Variants in ASTE1 observed in about 807,000 individuals in gnomAD.
The protein encoded by ASTE1 is single-strand DNA endonuclease ASTE1.
Under a neutral mutation model 45.8 loss-of-function variants are expected in ASTE1, and 49 were observed. That is an observed-to-expected ratio of 1.07 (90% CI 0.85 to 1.36). The LOEUF is 1.36. Ranked by LOEUF, ASTE1 falls within the 40% of genes most tolerant of loss-of-function variation. ASTE1 has a pLI of 0.00. For missense variants in ASTE1, 709 were observed against 804.0 expected, an observed-to-expected ratio of 0.88 and a Z score of 1.43; for synonymous variants, 296 against 303.9, an observed-to-expected ratio of 0.97 and a Z score of 0.27.
In ASTE1 at chr3:131,018,511, C is replaced by A; in HGVS notation, c.1508G>T (p.Ser503Ile). ...LVGPLIAIIN[S>I]PGKEELQEDG... The stretch of plus-strand genomic sequence containing the variant: ...TGTAATTTCCAGTTACCTACCAGGG[C>A]TGTTGATTATGGCAATCAAGGGCCC... Residue 503 changes from serine (S) to isoleucine (I), a missense_variant, in exon 4 of 6, where the codon AGC becomes ATC. Transcript: ENST00000264992. 6.2e-7 allele frequency: 1 copy of A among 1,613,624 alleles called. No homozygotes were observed.
At chr3:131,017,142 G>T in intron 4 of ASTE1, 1 of 801,772 alleles carries the variant, frequency 1.2e-6, no homozygotes, top group Non-Finnish European at 1.8e-6. Context: ...TTCTTATACT[G>T]TATTTATTAT....
intron 3 of ASTE1, among the ~76,000 whole-genome samples, chr3:131,021,949 G>A (rs1212782982): frequency 6.6e-6 from 1 of 152,080 alleles, no homozygotes; most frequent in Admixed American, 6.6e-5. Flanking sequence ...TTATTGGTGT[G>A]GGTAAAGTTT....
At chr3:131,023,275 G>A (rs1241266953) in intron 3 of ASTE1, among the ~76,000 whole-genome samples, 2 of 148,100 alleles carry the variant, frequency 1.4e-5, no homozygotes, top group Non-Finnish European at 3.0e-5. Flanking sequence ...CATTGCAATT[G>A]TTTTTTTTTT....
Position 131,024,861 on chromosome 3 carries a change from G to T in ASTE1, c.446C>A (p.Ala149Asp). Residue 149 changes from alanine to aspartate, a missense_variant, in exon 3 of 6, where the codon GCT becomes GAT. Coordinates refer to ENST00000264992, the MANE Select transcript of ASTE1 (RefSeq NM_014065.4). The stretch of plus-strand genomic sequence containing the variant: ...TAACACAGGGCAATTCCAATGGTTA[G>T]CAAGTGTCATAATGTCCCGATCTGC... ...SEADRDIMTL[A>D]NHWNCPVLSS... 2 of 1,614,134 alleles carry T rather than the reference G, an allele frequency of 1.2e-6. No homozygotes were observed. Among genetic ancestry groups the T allele is most frequent in the Non-Finnish European group, 1.7e-6 (2 of 1,180,022 alleles).
In ASTE1 at chr3:131,016,287, T is replaced by C; in HGVS notation, c.1566A>G (p.Gln522=). 6.2e-7 allele frequency: 1 copy of C among 1,614,180 alleles called. No individual in the cohort carries two copies. The highest frequency in any genetic ancestry group is 1.1e-5 in the South Asian group (1 of 91,086). ...DGAKMLYAEF[Q]RVKAQTRLGT... ...CCAGCCGTGTCTGCGCCTTCACTCT[T>C]TGGAACTCTGCATACAACATCTTAG... is the stretch of plus-strand genomic sequence containing the variant. Residue 522 remains glutamine, a synonymous_variant, in exon 5 of 6, where the codon CAA becomes CAG. Transcript: ENST00000264992.
chr3:131,017,082 C>G (rs777274009), intron 4 of ASTE1: 1 of 1,282,516 alleles, frequency 7.8e-7, no homozygotes, highest in Non-Finnish European at 1.0e-6. Flanking sequence ...TTGACATGCC[C>G]CTTCTCTTGG....
chr3:131,024,076 T>G lies in ASTE1; in HGVS notation c.1231A>C (p.Asn411His). ...AFSEVERINK[N>H]IRTSIIDAVE... ...GCATCAATGATTGAGGTTCTGATAT[T>G]TTTATTAATCCTTTCCACTTCACTG... The change falls in exon 3 of 6, where the codon AAT (asparagine) becomes CAT (histidine). Residue 411 changes from asparagine to histidine, a missense_variant. Coordinates refer to ENST00000264992, the MANE Select transcript of ASTE1 (RefSeq NM_014065.4). The G allele has an allele frequency of 6.2e-7, 1 of 1,614,106 alleles. No individual in the cohort carries two copies. The highest frequency in any genetic ancestry group is 2.2e-5 in the East Asian group (1 of 44,884).
At chr3:131,015,841 A>G in intron 5 of ASTE1, 1 of 462,632 alleles carries the variant, frequency 2.2e-6, no homozygotes. Flanking sequence ...GAAAGGAGAG[A>G]GTTGTATCCT....
chr3:131,023,209 CTG>C (rs1465366816), intron 3 of ASTE1, among the ~76,000 whole-genome samples: 1 of 152,066 alleles, frequency 6.6e-6, no homozygotes, highest in Non-Finnish European at 1.5e-5. Flanking sequence ...CACGTGTGGT[CTG>C]TGAGTTTTGT....
rs1260151190 is a variant in ASTE1 at position 131,025,316 on chromosome 3, C to G, written c.-10G>C. 6.2e-7 allele frequency: 1 copy of G among 1,601,478 alleles called. No individual in the cohort carries two copies. Among genetic ancestry groups the G allele is most frequent in the Non-Finnish European group, 8.5e-7 (1 of 1,173,074 alleles). ...GTCCTCGGATACCCATGATGACAGT[C>G]TAAAGAATTAATCGCCTGTTTAAAA... On this transcript the variant is annotated 5_prime_UTR_variant, in exon 3 of 6. Coordinates refer to ENST00000264992, the MANE Select transcript of ASTE1 (RefSeq NM_014065.4).
At chr3:131,023,971 T>C (rs1348739712) in intron 3 of ASTE1, 34 bp downstream of exon 3, 4 of 1,538,042 alleles carry the variant, frequency 2.6e-6, no homozygotes, top group Non-Finnish European at 3.5e-6. Context: ...GTAAAGTACT[T>C]TACAAAAATT....
chr3:131,017,118 G>T, intron 4 of ASTE1: 1 of 1,070,546 alleles, frequency 9.3e-7, no homozygotes, highest in Non-Finnish European at 1.3e-6. Context: ...TAATAGGCTT[G>T]TGCTCTGAGA....
At position 131,018,612 on chromosome 3, in the gene ASTE1, A is replaced by G; in HGVS notation, c.1407T>C (p.Ser469=). ...TCTCGGTGTGCTGCAACCAGTAGCA[A>G]CTGACAGCAATGGGCAACTTCAGTG... The part of the protein sequence containing the change: ...PTSLKLPIAV[S]CYWLQHTETK... The change falls in exon 4 of 6, where the codon AGT becomes AGC. Residue 469 remains serine (S), a synonymous_variant. Transcript: ENST00000264992. The G allele has an allele frequency of 6.2e-7, 1 of 1,614,100 alleles. No individual in the cohort carries two copies.
Position 131,014,305 on chromosome 3 carries a change from G to A in ASTE1, c.1792C>T (p.Pro598Ser). Residue 598 changes from proline to serine, a missense_variant, in exon 6 of 6, where the codon CCT (proline) becomes TCT (serine). Transcript: ENST00000264992. ...TATTCATAAAGTTGCTTAGCCTCAG[G>A]ACATATGCTCAGGAGACTTTCTACA... ...TSVESLLSICPEAKQLYEYLF... is the reference protein window; with the variant it reads ...TSVESLLSICSEAKQLYEYLF... 6.2e-7 allele frequency: 1 copy of A among 1,613,988 alleles called. No individual in the cohort carries two copies. The highest frequency in any genetic ancestry group is 8.5e-7 in the Non-Finnish European group (1 of 1,179,972).
chr3:131,024,194 G>A lies in ASTE1; in HGVS notation c.1113C>T (p.Pro371=). The change falls in exon 3 of 6, where the codon CCC becomes CCT. Residue 371 remains proline (P), a synonymous_variant. Coordinates refer to ENST00000264992, the MANE Select transcript of ASTE1 (RefSeq NM_014065.4). ...GAAGCCCATAGATGATTTGCCTGATGGGCTGAGATATTCTGTGGGCATTTG... is the reference window on the plus strand; with the variant it reads ...GAAGCCCATAGATGATTTGCCTGATAGGCTGAGATATTCTGTGGGCATTTG... ...QQPNAHRISQ[P]IRQIIYGLLL... 1 of 1,614,174 alleles carries A rather than the reference G, an allele frequency of 6.2e-7. No homozygotes were observed. Among genetic ancestry groups the A allele is most frequent in the Non-Finnish European group, 8.5e-7 (1 of 1,179,996 alleles).
rs766215426 is a variant in ASTE1 at position 131,024,880 on chromosome 3, G to A, written c.427C>T (p.Arg143Trp). 6 of 1,613,920 alleles carry A rather than the reference G, an allele frequency of 3.7e-6. No individual in the cohort carries two copies. The highest frequency in any genetic ancestry group is 5.1e-6 in the Non-Finnish European group (6 of 1,180,024). ...TGGTTAGCAAGTGTCATAATGTCCC[G>A]ATCTGCTTCTGAAAAGCACTGGACA... Reference protein sequence around the residue: ...CFVQCFSEADRDIMTLANHWN... With the variant: ...CFVQCFSEADWDIMTLANHWN... Residue 143 changes from arginine to tryptophan, a missense_variant, in exon 3 of 6, where the codon CGG becomes TGG. By Grantham distance (101) the Arg-to-Trp change is moderately radical (BLOSUM62 -3). Transcript: ENST00000264992.
chr3:131,019,770 T>C (rs1428854150), intron 3 of ASTE1, among the ~76,000 whole-genome samples: 2 of 152,164 alleles, frequency 1.3e-5, no homozygotes, highest in African/African-American at 4.8e-5. Context: ...ACTAAAGATA[T>C]TAACCTGAAA....
intron 3 of ASTE1, among the ~76,000 whole-genome samples, chr3:131,021,143 A>G (rs1215657634): frequency 1.3e-5 from 2 of 152,214 alleles, no homozygotes; most frequent in Non-Finnish European, 2.9e-5. Context: ...GTTCATCAAA[A>G]CATACTAAAG....
At chr3:131,021,192 A>G (rs772652796) in intron 3 of ASTE1, among the ~76,000 whole-genome samples, 8 of 152,230 alleles carry the variant, frequency 5.3e-5, no homozygotes, top group Non-Finnish European at 7.3e-5. Flanking sequence ...ACAATATGTT[A>G]TTTGACAAAG....
Sources: gnomAD v4.1 joint callset for allele counts (sites outside exome capture counted in the v4.1 genomes callset) on GRCh38, gnomAD v4.1.1 for gene constraint, MANE v1.5 for transcripts, NCBI Gene and HGNC (gene_info 2026-07-23, HGNC 2026-07-21) for gene names.